Variants in DCUN1D1 observed in about 807,000 individuals in gnomAD.
DCUN1D1 encodes DCN1-like protein 1.
In DCUN1D1, 3 loss-of-function variants were observed where a neutral mutation model predicts 39.0. The observed-to-expected ratio is 0.08, with a 90% CI of 0.04 to 0.20. DCUN1D1 has a LOEUF of 0.20. Among genes scored for constraint, DCUN1D1 ranks in the 10% least tolerant of loss-of-function variants. The pLI is 1.00. For synonymous variants in DCUN1D1, 82 were observed against 96.3 expected (o/e 0.85, Z 0.87); for missense variants, 158 against 302.4 (o/e 0.52, Z 3.54).
At position 182,963,994 on chromosome 3, in the gene DCUN1D1, G is replaced by A. The variant is rs1183704173; in HGVS notation, c.276C>T (p.Asp92=). The A allele has an allele frequency of 1.2e-6, 2 of 1,613,950 alleles. No homozygotes were observed. The highest frequency in any genetic ancestry group is 1.7e-6 in the Non-Finnish European group (2 of 1,179,916). The change falls in exon 3 of 7, where the codon GAC becomes GAT. Residue 92 remains aspartate (D), a synonymous_variant. Coordinates refer to ENST00000292782, the MANE Select transcript of DCUN1D1 (RefSeq NM_020640.4). The part of the protein sequence containing the change: ...GIDGIQQFCD[D]LALDPASISV... ...TAATGCTGGCTGGATCGAGTGCCAG[G>A]TCATCACAGAACTGCTGTATGCCAT...
At chr3:182,968,975 G>A (rs1411492721) in intron 1 of DCUN1D1, among the ~76,000 whole-genome samples, 1 of 152,046 alleles carries the variant, frequency 6.6e-6, no homozygotes, top group Non-Finnish European at 1.5e-5. Flanking sequence ...GAAGAAACAG[G>A]GTGTACCTAC....
At position 182,980,492 on chromosome 3, in the gene DCUN1D1, T is replaced by G; in HGVS notation, c.-3A>C. 2 of 1,234,850 alleles carry G rather than the reference T, an allele frequency of 1.6e-6. No individual in the cohort carries two copies. The highest frequency in any genetic ancestry group is 2.1e-6 in the Non-Finnish European group (2 of 968,474). 76.5% of individuals were successfully genotyped at this position (1,234,850 alleles called of 1,614,324 possible). Reference sequence around the variant, plus strand: ...GGGCGGCCGCAGTGCCTCACCATGTTGGTGTCCTCCAGGCCTCTCCCCTCC... The same window carrying G: ...GGGCGGCCGCAGTGCCTCACCATGTGGGTGTCCTCCAGGCCTCTCCCCTCC... On this transcript the variant is annotated 5_prime_UTR_variant, in exon 1 of 7. Coordinates refer to ENST00000292782, the MANE Select transcript of DCUN1D1 (RefSeq NM_020640.4).
At chr3:182,981,041 T>C (rs1476309348), upstream of DCUN1D1, 2 of 152,202 alleles carry the variant, frequency 1.3e-5, no homozygotes, top group African/African-American at 2.4e-5. Context: ...CCCCGTGTTT[T>C]CTTCTTTTTC....
chr3:182,946,452 G>A (rs1442647248), intron 6 of DCUN1D1, among the ~76,000 whole-genome samples: 1 of 149,016 alleles, frequency 6.7e-6, no homozygotes, highest in Non-Finnish European at 1.5e-5. Flanking sequence ...AGTTACTTGA[G>A]AAGCTGAGGC....
In DCUN1D1 at chr3:182,945,072, A is replaced by G; in HGVS notation, c.*22T>C. On this transcript the variant is annotated 3_prime_UTR_variant, in exon 7 of 7. Coordinates refer to ENST00000292782, the MANE Select transcript of DCUN1D1 (RefSeq NM_020640.4). ...TGTATTTATTGTACAGACTATGTAC[A>G]TTCTAGAAGGTTCCTTTAGTGCTAC... 6.3e-7 allele frequency: 1 copy of G among 1,598,512 alleles called. No individual in the cohort carries two copies. The highest frequency in any genetic ancestry group is 1.1e-5 in the South Asian group (1 of 90,370).
At chr3:182,961,574 T>C (rs756967292) in intron 3 of DCUN1D1, among the ~76,000 whole-genome samples, 1 of 152,202 alleles carries the variant, frequency 6.6e-6, no homozygotes, top group Non-Finnish European at 1.5e-5. Context: ...AAATAATTAC[T>C]TTTAAAAGAA....
chr3:182,945,303 A>G, intron 6 of DCUN1D1, 130 bp from the exon 7 acceptor site: 1 of 665,066 alleles, frequency 1.5e-6, no homozygotes. Context: ...ATCTATTCCC[A>G]CTGATTAAGT....
rs1224674124 is a variant in DCUN1D1 at position 182,943,855 on chromosome 3, T to C, written c.*1239A>G. The C allele has an allele frequency of 6.6e-6, 1 of 152,610 alleles. No individual in the cohort carries two copies. The highest frequency in any genetic ancestry group is 1.5e-5 in the Non-Finnish European group (1 of 68,014). 9.5% of individuals were successfully genotyped at this position (152,610 alleles called of 1,614,324 possible). On this transcript the variant is annotated 3_prime_UTR_variant, in exon 7 of 7. Coordinates refer to ENST00000292782, the MANE Select transcript of DCUN1D1 (RefSeq NM_020640.4). Reference sequence around the variant, plus strand: ...CTTTGATGAGAAAACTGAGCTAATCTGAGTGAAACGAAAACAGTAAAGAGA... The same window carrying C: ...CTTTGATGAGAAAACTGAGCTAATCCGAGTGAAACGAAAACAGTAAAGAGA...
chr3:182,954,527 G>A (rs549495773), intron 4 of DCUN1D1, among the ~76,000 whole-genome samples: 2 of 152,136 alleles, frequency 1.3e-5, no homozygotes, highest in African/African-American at 2.4e-5. Flanking sequence ...TCTTCACCTG[G>A]CTGTATAAAT....
chr3:182,943,542 T>C lies in DCUN1D1; in HGVS notation c.*1552A>G, dbSNP rs1726243590. The C allele has an allele frequency of 1.3e-5, 2 of 152,392 alleles. No individual in the cohort carries two copies. Among genetic ancestry groups the C allele is most frequent in the African/African-American group, 2.4e-5 (1 of 41,452 alleles). The allele number at this position is 152,392 out of a possible 1,614,324, so 9.4% of individuals were successfully genotyped here. On this transcript the variant is annotated 3_prime_UTR_variant, in exon 7 of 7. Coordinates refer to ENST00000292782, the MANE Select transcript of DCUN1D1 (RefSeq NM_020640.4). ...TCATTGTTTCTTAAAATAATTTCCA[T>C]ATTTGCATAAAATGTACTGCTATTC... is the stretch of plus-strand genomic sequence containing the variant.
At chr3:182,960,640 T>C (rs1727333425) in intron 4 of DCUN1D1, among the ~76,000 whole-genome samples, 1 of 152,188 alleles carries the variant, frequency 6.6e-6, no homozygotes. Context: ...ATCTAATCTT[T>C]TTAGGTAATT....
chr3:182,955,310 T>C, intron 4 of DCUN1D1: 1 of 545,708 alleles, frequency 1.8e-6, no homozygotes, highest in South Asian at 1.4e-5. Flanking sequence ...TTTCTTCACT[T>C]CTTCTGCAGC....
At chr3:182,960,800 T>C (rs533311606) in intron 4 of DCUN1D1, among the ~76,000 whole-genome samples, 10 of 152,354 alleles carry the variant, frequency 6.6e-5, no homozygotes, top group East Asian at 3.9e-4. Flanking sequence ...TTCATCCTTA[T>C]AGTTTTCAAA....
At chr3:182,979,600 T>TTTTC (rs58326496) in intron 1 of DCUN1D1, among the ~76,000 whole-genome samples, 66,441 of 136,588 alleles carry the variant, frequency 0.49, 19,296 homozygotes, top group Non-Finnish European at 0.66. Context: ...GAGGACTTTT[T>TTTTC]CCCCCCCCCA....
At chr3:182,971,364 A>G (rs978327625) in intron 1 of DCUN1D1, among the ~76,000 whole-genome samples, 1 of 152,140 alleles carries the variant, frequency 6.6e-6, no homozygotes, top group African/African-American at 2.4e-5. Flanking sequence ...CAGGAGTTCA[A>G]GACCAGCCTG....
intron 4 of DCUN1D1, among the ~76,000 whole-genome samples, chr3:182,954,466 T>C (rs548961062): frequency 1.3e-5 from 2 of 152,342 alleles, no homozygotes; most frequent in East Asian, 1.9e-4. Context: ...GGAAGAAAGA[T>C]GAGCTTTTGC....
At chr3:182,980,795 G>C (rs778137374), upstream of DCUN1D1, 430 of 156,042 alleles carry the variant, frequency 2.8e-3, 2 homozygotes, top group Non-Finnish European at 4.1e-3. Context: ...CTCCTGCCGC[G>C]CCGGGCGGTC....
intron 1 of DCUN1D1, among the ~76,000 whole-genome samples, chr3:182,969,649 C>T (rs536669798): frequency 6.6e-6 from 1 of 152,194 alleles, no homozygotes; most frequent in African/African-American, 2.4e-5. Flanking sequence ...GTTAAAACTA[C>T]CTAGGTATTA....
intron 4 of DCUN1D1, among the ~76,000 whole-genome samples, chr3:182,956,777 C>T (rs1201487496): frequency 1.3e-5 from 2 of 152,084 alleles, no homozygotes; most frequent in Non-Finnish European, 2.9e-5. Context: ...CAGTATGGCC[C>T]TAAAAATGAT....
Sources: allele counts gnomAD v4.1 joint callset (sites outside exome capture counted in the v4.1 genomes callset), GRCh38; gene constraint gnomAD v4.1.1; transcripts MANE v1.5; gene names NCBI Gene and HGNC (gene_info 2026-07-23, HGNC 2026-07-21).